FAM13B: variants seen among roughly 807,000 people sequenced by gnomAD.
FAM13B encodes the protein protein FAM13B.
Under a neutral mutation model 117.3 loss-of-function variants are expected in FAM13B, and 60 were observed. The observed-to-expected ratio is 0.51, with a 90% CI of 0.42 to 0.63. The LOEUF is 0.63. Ranked by LOEUF, FAM13B falls within the 30% of genes least tolerant of loss-of-function variation. The probability of loss-of-function intolerance (pLI) is 0.00; values close to 1 mark genes in which losing one functional copy is unlikely to be tolerated. For synonymous variants in FAM13B, 332 were observed against 356.1 expected, an observed-to-expected ratio of 0.93 and a Z score of 0.76; for missense variants, 972 against 1,091.9, an observed-to-expected ratio of 0.89 and a Z score of 1.55.
At chr5:137,966,068 CTAAA>C (rs1342258774) in intron 10 of FAM13B, among the ~76,000 whole-genome samples, 1 of 150,248 alleles carries the variant, frequency 6.7e-6, no homozygotes, top group Non-Finnish European at 1.5e-5. Context: ...GATAAAACTC[CTAAA>C]TATTTACTAC....
chr5:137,982,606 T>C (rs888448510), intron 10 of FAM13B, among the ~76,000 whole-genome samples: 4 of 152,172 alleles, frequency 2.6e-5, no homozygotes, highest in African/African-American at 9.7e-5. Context: ...TATCTCTGAA[T>C]ACACAGGGAC....
chr5:138,045,767 G>C (rs1485252443), intron 1 of FAM13B, among the ~76,000 whole-genome samples: 1 of 151,896 alleles, frequency 6.6e-6, no homozygotes, highest in African/African-American at 2.4e-5. Context: ...GGGAGGCTGA[G>C]GCAGGTGGAG....
At chr5:137,947,487 C>T (rs1475230299) in intron 18 of FAM13B, among the ~76,000 whole-genome samples, 3 of 152,142 alleles carry the variant, frequency 2.0e-5, no homozygotes, top group Admixed American at 6.5e-5. Flanking sequence ...GTGGTTCACA[C>T]CTATAATCTC....
At chr5:138,049,777 C>A (rs929020831) in intron 1 of FAM13B, among the ~76,000 whole-genome samples, 1 of 152,082 alleles carries the variant, frequency 6.6e-6, no homozygotes, top group African/African-American at 2.4e-5. Context: ...CCCAAGAAAG[C>A]TTCCAAAACC....
chr5:137,961,497 A>G (rs1768105847), intron 11 of FAM13B, among the ~76,000 whole-genome samples: 2 of 152,162 alleles, frequency 1.3e-5, no homozygotes, highest in South Asian at 2.1e-4. Context: ...TGCCTCCTGA[A>G]AGGAAGGACA....
rs56799832 is a variant in FAM13B at position 137,981,077 on chromosome 5, A to ATTTT, written c.1179+4176_1179+4179dup. On this transcript the variant is annotated intron_variant, in intron 10 of 23. Coordinates refer to ENST00000689681, the MANE Select transcript of FAM13B (RefSeq NM_001385994.1). Reference sequence around the variant, plus strand: ...CAGGGGAGCACCACTACACCTGGCTATTTTTTTTTTTTTTTTTTTTTTTTT... The same window carrying ATTTT: ...CAGGGGAGCACCACTACACCTGGCTATTTTTTTTTTTTTTTTTTTTTTTTTTTTT... Among the ~76,000 whole-genome samples the ATTTT allele has an allele frequency of 7.3e-3, 441 of 60,454 alleles. 8 individuals carry two copies. Among genetic ancestry groups the ATTTT allele is most frequent in the African/African-American group, 0.029 (404 of 14,136 alleles). The allele number at this position is 60,454 out of a possible 152,430, so 39.7% of individuals were successfully genotyped here.
chr5:138,044,285 C>T lies in FAM13B; in HGVS notation c.-203+7593G>A, dbSNP rs1201898808. Among the ~76,000 whole-genome samples, 6 of 152,110 alleles carry T rather than the reference C, an allele frequency of 3.9e-5. No homozygotes were observed. The East Asian group carries it at 7.7e-4, about 20-fold the overall frequency. ...AAAGATAATAGGCCGGGCGCTGTGG[C>T]TCATGCCTCTATTCCCAGCACTTTG... On this transcript the variant is annotated intron_variant, in intron 1 of 3. Transcript: ENST00000502471.
chr5:138,028,757 C>T (rs1332754886), intron 1 of FAM13B, among the ~76,000 whole-genome samples: 1 of 152,202 alleles, frequency 6.6e-6, no homozygotes, highest in African/African-American at 2.4e-5. Flanking sequence ...GTGGCTCACG[C>T]CTATAAATGC....
chr5:137,958,367 G>A (rs1767169981), intron 13 of FAM13B, among the ~76,000 whole-genome samples: 1 of 152,068 alleles, frequency 6.6e-6, no homozygotes. Context: ...TATATAAAAA[G>A]GAGGGTGGGG....
At chr5:138,050,791 G>T (rs185596574) in intron 1 of FAM13B, among the ~76,000 whole-genome samples, 2 of 152,192 alleles carry the variant, frequency 1.3e-5, no homozygotes, top group Admixed American at 1.3e-4. Flanking sequence ...CACCCTTCCA[G>T]ACCCAAGAAC....
At chr5:137,980,116 T>C (rs529238670) in intron 10 of FAM13B, among the ~76,000 whole-genome samples, 154 of 149,950 alleles carry the variant, frequency 1.0e-3, no homozygotes, top group African/African-American at 3.7e-3. Context: ...GAGGTTGCAC[T>C]GAGCCCACAT....
chr5:137,942,863 C>G lies in FAM13B; in HGVS notation c.2588+12G>C. The G allele has an allele frequency of 1.9e-6, 3 of 1,583,430 alleles. No individual in the cohort carries two copies. The highest frequency in any genetic ancestry group is 2.6e-6 in the Non-Finnish European group (3 of 1,171,750). ...ATAAAAATAGGCTAAAATCACAAATCAGCATACATACATAGAAGCTGCTCG... is the reference window on the plus strand; with the variant it reads ...ATAAAAATAGGCTAAAATCACAAATGAGCATACATACATAGAAGCTGCTCG... On this transcript the variant is annotated intron_variant, in intron 22 of 23. Transcript: ENST00000689681.
At chr5:137,981,523 C>T (rs1475666927) in intron 10 of FAM13B, among the ~76,000 whole-genome samples, 1 of 152,070 alleles carries the variant, frequency 6.6e-6, no homozygotes, top group Non-Finnish European at 1.5e-5. Flanking sequence ...CAGTGGCTCA[C>T]GCCTGTAATC....
chr5:137,991,931 C>G (rs1561503586), intron 7 of FAM13B, among the ~76,000 whole-genome samples: 1 of 151,904 alleles, frequency 6.6e-6, no homozygotes, highest in Non-Finnish European at 1.5e-5. Context: ...AAATTAGCAA[C>G]TTTTTTTTGA....
intron 7 of FAM13B, among the ~76,000 whole-genome samples, chr5:137,990,026 T>A (rs767081731): frequency 1.3e-5 from 2 of 152,174 alleles, no homozygotes; most frequent in Non-Finnish European, 2.9e-5. Flanking sequence ...AAAAGATAAA[T>A]GAGGCTTTCC....
At chr5:137,951,680 T>A (rs1004429288) in intron 17 of FAM13B, among the ~76,000 whole-genome samples, 10 of 151,886 alleles carry the variant, frequency 6.6e-5, no homozygotes, top group African/African-American at 1.9e-4. Context: ...AAATATATAT[T>A]TTTTTATTTT....
intron 1 of FAM13B, among the ~76,000 whole-genome samples, chr5:138,047,908 G>C (rs547635057): frequency 4.3e-4 from 65 of 152,194 alleles, no homozygotes; most frequent in Non-Finnish European, 7.2e-4. Flanking sequence ...CTGACCTACA[G>C]AACTATAAAA....
At chr5:137,965,554 G>A (rs1387723938) in intron 10 of FAM13B, among the ~76,000 whole-genome samples, 1 of 152,118 alleles carries the variant, frequency 6.6e-6, no homozygotes, top group Non-Finnish European at 1.5e-5. Flanking sequence ...TTTGGCTCAA[G>A]CATGCTAGTT....
In FAM13B at chr5:138,011,095, C is replaced by T. The variant is rs374227250; in HGVS notation, c.603G>A (p.Met201Ile). 1.2e-5 allele frequency: 19 copies of T among 1,608,694 alleles called. No homozygotes were observed. The highest frequency in any genetic ancestry group is 3.4e-5 in the Admixed American group (2 of 58,518). Reference protein sequence around the residue: ...MKEQEIVSRIMAGLLENYYEF... With the variant: ...MKEQEIVSRIIAGLLENYYEF... ...CATAGTAGTTTTCCAGAAGTCCAGC[C>T]ATTATCCTGCTCACTATTTCTTGCT... is the stretch of plus-strand genomic sequence containing the variant. Residue 201 changes from methionine to isoleucine, a missense_variant, in exon 6 of 24, where the codon ATG becomes ATA. Coordinates refer to ENST00000689681, the MANE Select transcript of FAM13B (RefSeq NM_001385994.1).
Sources: gnomAD v4.1 joint callset for allele counts (sites outside exome capture counted in the v4.1 genomes callset) on GRCh38, gnomAD v4.1.1 for gene constraint, MANE v1.5 for transcripts, NCBI Gene and HGNC (gene_info 2026-07-23, HGNC 2026-07-21) for gene names.